The following ITGAE variants were observed in gnomAD, a reference collection of about 807,000 sequenced individuals.
The protein encoded by ITGAE is integrin subunit alpha E, also known as integrin alpha-E.
In ITGAE, 99 loss-of-function variants were observed where a neutral mutation model predicts 136.5. The ratio of observed to expected loss-of-function variants is 0.73; its 90% CI spans 0.62 to 0.86. ITGAE has a LOEUF of 0.86. Among genes scored for constraint, ITGAE ranks in the 40% least tolerant of loss-of-function variants. The pLI is 0.00. For missense variants in ITGAE, 1,447 were observed against 1,515.3 expected (o/e 0.95, Z 0.75); for synonymous variants, 613 against 591.8 (o/e 1.04, Z -0.52).
chr17:3,726,561 C>A, intron 26 of ITGAE: 1 of 513,332 alleles, frequency 1.9e-6, no homozygotes, highest in Non-Finnish European at 3.5e-6. Context: ...GGCACAGTGG[C>A]GTGCGCCTGT....
intron 1 of ITGAE, among the ~76,000 whole-genome samples, chr17:3,797,387 G>A (rs557910498): frequency 1.3e-4 from 19 of 150,714 alleles, no homozygotes; most frequent in Middle Eastern, 3.5e-3. Context: ...GGATGGTCTC[G>A]ATCTCCTGAC....
intron 26 of ITGAE, chr17:3,724,282 T>A (rs1430534791): frequency 6.3e-7 from 1 of 1,588,212 alleles, no homozygotes; most frequent in East Asian, 2.3e-5. Context: ...CCAAGACGCC[T>A]GGGGCTGCGA....
At chr17:3,766,565 G>A (rs1157388988) in intron 2 of ITGAE, among the ~76,000 whole-genome samples, 1 of 152,114 alleles carries the variant, frequency 6.6e-6, no homozygotes, top group African/African-American at 2.4e-5. Context: ...ACTTTGGGAG[G>A]CCGAGGCAGG....
At chr17:3,774,765 CAATA>C (rs918683727) in intron 2 of ITGAE, among the ~76,000 whole-genome samples, 11 of 151,768 alleles carry the variant, frequency 7.2e-5, no homozygotes, top group African/African-American at 2.7e-4. Flanking sequence ...ACTCTGTCTC[CAATA>C]AATAAATAAT....
chr17:3,736,119 G>T (rs918654975), intron 20 of ITGAE, among the ~76,000 whole-genome samples: 1 of 152,144 alleles, frequency 6.6e-6, no homozygotes, highest in Non-Finnish European at 1.5e-5. Context: ...CTCCAGCCTG[G>T]GTGACAGCAT....
chr17:3,790,194 A>G (rs986394377), intron 1 of ITGAE, among the ~76,000 whole-genome samples: 7 of 152,150 alleles, frequency 4.6e-5, no homozygotes, highest in African/African-American at 1.7e-4. Flanking sequence ...CCAAGGCTTT[A>G]AAACACTTCA....
chr17:3,748,726 A>G (rs557661030), intron 16 of ITGAE, among the ~76,000 whole-genome samples: 1 of 152,214 alleles, frequency 6.6e-6, no homozygotes, highest in Non-Finnish European at 1.5e-5. Flanking sequence ...TCTGGGGAAG[A>G]GCACTCCAGG....
intron 21 of ITGAE, among the ~76,000 whole-genome samples, chr17:3,734,567 C>T (rs1419865057): frequency 6.6e-6 from 1 of 152,202 alleles, no homozygotes; most frequent in Non-Finnish European, 1.5e-5. Flanking sequence ...GGGCATTAGA[C>T]TCACTTCTCT....
chr17:3,772,770 A>G (rs547767478), intron 2 of ITGAE, among the ~76,000 whole-genome samples: 1 of 152,216 alleles, frequency 6.6e-6, no homozygotes, highest in East Asian at 1.9e-4. Flanking sequence ...GGCAGTGACC[A>G]GACTTTTGAC....
At position 3,755,835 on chromosome 17, in the gene ITGAE, C is replaced by G; in HGVS notation, c.1234G>C (p.Asp412His). 1 of 1,594,080 alleles carries G rather than the reference C, an allele frequency of 6.3e-7. No homozygotes were observed. Among genetic ancestry groups the G allele is most frequent in the Non-Finnish European group, 8.5e-7 (1 of 1,170,820 alleles). ...AQIGFSAQIL[D>H]ERQVLLGAVG... ...GTGCTGAGTCAGCCACGTACCTCAT[C>G]CAGGATCTGAGCACTGAAGCCAATC... Residue 412 changes from aspartate to histidine, a missense_variant, in exon 11 of 31, where the codon GAT becomes CAT. Coordinates refer to ENST00000263087, the MANE Select transcript of ITGAE (RefSeq NM_002208.5).
chr17:3,741,640 C>A (rs953010514), intron 19 of ITGAE, among the ~76,000 whole-genome samples: 3 of 152,160 alleles, frequency 2.0e-5, no homozygotes, highest in African/African-American at 7.2e-5. Context: ...AGGATACAAT[C>A]GCAAGGCATC....
intron 20 of ITGAE, among the ~76,000 whole-genome samples, chr17:3,739,421 G>C (rs935503536): frequency 6.6e-6 from 1 of 152,220 alleles, no homozygotes; most frequent in South Asian, 2.1e-4. Flanking sequence ...ATATTTGATT[G>C]ATTAGTTAAT....
chr17:3,744,260 A>G lies in ITGAE; in HGVS notation c.2320-643T>C, dbSNP rs148086307. 3.5e-3 allele frequency among the ~76,000 whole-genome samples: 537 copies of G among 152,118 alleles called. 4 individuals are homozygous for G. Among genetic ancestry groups the G allele is most frequent in the African/African-American group, 0.012 (506 of 41,498 alleles). ...CAGAAGTCCTAAGCATCTTCCAAAT[A>G]AGCCAGGCTGAAGGGACACGTCCTT... On this transcript the variant is annotated intron_variant, in intron 18 of 30. Coordinates refer to ENST00000263087, the MANE Select transcript of ITGAE (RefSeq NM_002208.5).
At chr17:3,800,850 G>C (rs553585374) in intron 1 of ITGAE, among the ~76,000 whole-genome samples, 22 of 152,340 alleles carry the variant, frequency 1.4e-4, no homozygotes, top group Non-Finnish European at 2.9e-4. Context: ...GCTGGCTGGA[G>C]GAGGAACAGA....
intron 1 of ITGAE, among the ~76,000 whole-genome samples, chr17:3,796,366 C>T (rs1371433687): frequency 6.6e-6 from 1 of 152,154 alleles, no homozygotes; most frequent in Non-Finnish European, 1.5e-5. Flanking sequence ...CCCACCAGGA[C>T]TCAGAAAACA....
intron 18 of ITGAE, 125 bp from the exon 19 acceptor site, chr17:3,743,742 G>A (rs1476520283): frequency 2.2e-5 from 21 of 973,586 alleles, no homozygotes; most frequent in Non-Finnish European, 2.9e-5. Context: ...TTGCTCTGTT[G>A]CCCAGGCTGG....
intron 14 of ITGAE, among the ~76,000 whole-genome samples, chr17:3,752,398 A>C (rs1023554013): frequency 1.3e-5 from 2 of 152,210 alleles, no homozygotes; most frequent in African/African-American, 4.8e-5. Flanking sequence ...GCTACCTCCC[A>C]TAGTTACTAT....
chr17:3,732,623 T>G (rs139881296), intron 21 of ITGAE, among the ~76,000 whole-genome samples, 157 bp from the exon 22 acceptor site: 2 of 152,310 alleles, frequency 1.3e-5, no homozygotes. Flanking sequence ...GTCCCTGTCT[T>G]CCTCACAAGC....
intron 2 of ITGAE, among the ~76,000 whole-genome samples, chr17:3,771,303 C>G (rs1215960004): frequency 6.6e-6 from 1 of 152,150 alleles, no homozygotes. Context: ...TAGCGGGGCA[C>G]ACACCGTATG....
Sources: gnomAD v4.1 joint callset for allele counts (sites outside exome capture counted in the v4.1 genomes callset) on GRCh38, gnomAD v4.1.1 for gene constraint, MANE v1.5 for transcripts, NCBI Gene and HGNC (gene_info 2026-07-23, HGNC 2026-07-21) for gene names.